CTNNA3: variants seen among roughly 807,000 people sequenced by gnomAD.
CTNNA3 encodes catenin alpha 3, also known as catenin alpha-3.
In CTNNA3, 76 loss-of-function variants were observed where a neutral mutation model predicts 95.7. The ratio of observed to expected loss-of-function variants is 0.79; its 90% CI spans 0.66 to 0.96. CTNNA3 has a LOEUF of 0.96. Among genes scored for constraint, CTNNA3 ranks in the 40% least tolerant of loss-of-function variants. The pLI, the probability that CTNNA3 is intolerant of heterozygous loss-of-function variation, is 0.00. For missense variants in CTNNA3, 1,191 were observed against 1,089.8 expected (o/e 1.09, Z -1.31); for synonymous variants, 431 against 374.4 (o/e 1.15, Z -1.74).
intron 3 of CTNNA3, among the ~76,000 whole-genome samples, chr10:67,569,714 G>A (rs10997727): frequency 0.13 from 19,601 of 152,108 alleles, 1,566 homozygotes; most frequent in East Asian, 0.3. Flanking sequence ...TAGCATTAAA[G>A]AGTGCATTAA....
chr10:66,261,526 C>G (rs1020817048), intron 13 of CTNNA3, among the ~76,000 whole-genome samples: 4 of 152,020 alleles, frequency 2.6e-5, no homozygotes, highest in African/African-American at 9.6e-5. Flanking sequence ...GCTTGTCTTT[C>G]TGTTAGTATG....
At chr10:67,324,746 T>C (rs1419808010) in intron 5 of CTNNA3, among the ~76,000 whole-genome samples, 1 of 151,910 alleles carries the variant, frequency 6.6e-6, no homozygotes. Flanking sequence ...AGGATGATGC[T>C]GGCCTCATAG....
chr10:67,570,609 C>T (rs1343199648), intron 3 of CTNNA3, among the ~76,000 whole-genome samples: 1 of 152,154 alleles, frequency 6.6e-6, no homozygotes, highest in Admixed American at 6.6e-5. Context: ...GGTGGTTCCA[C>T]CTGGCTGTTT....
At chr10:66,570,638 T>C (rs1388192469) in intron 10 of CTNNA3, among the ~76,000 whole-genome samples, 1 of 151,656 alleles carries the variant, frequency 6.6e-6, no homozygotes, top group Admixed American at 6.6e-5. Flanking sequence ...ACCAGCTAAC[T>C]TGACTTTTAA....
Position 67,219,458 on chromosome 10 carries a change from C to A in CTNNA3, c.843+149G>T, listed in dbSNP as rs1864545681. ...CAGAGTACTTTCCTGTTAATCAATT[C>A]TTTGGAAGACTCAAGAAGGTGATAG... is the stretch of plus-strand genomic sequence containing the variant. On this transcript the variant is annotated intron_variant, in intron 6 of 17. Coordinates refer to ENST00000433211, the MANE Select transcript of CTNNA3 (RefSeq NM_013266.4). The A allele has an allele frequency of 6.3e-6, 5 of 788,746 alleles. No individual in the cohort carries two copies. In the Admixed American group the frequency reaches 1.5e-4, roughly 23 times the overall value. The allele number at this position is 788,746 out of a possible 1,614,324, so 48.9% of individuals were successfully genotyped here. A position where few individuals can be genotyped will look rare whatever the true frequency, so the allele number is the denominator to read the frequency against.
chr10:66,489,379 CTGTG>C (rs1839841591), intron 11 of CTNNA3, among the ~76,000 whole-genome samples: 1 of 152,064 alleles, frequency 6.6e-6, no homozygotes, highest in Admixed American at 6.5e-5. Context: ...CTCAAGTATT[CTGTG>C]TGTTTTTGGG....
chr10:67,750,693 G>A (rs1841402385), intron 1 of CTNNA3: 2 of 1,558,602 alleles, frequency 1.3e-6, no homozygotes, highest in Non-Finnish European at 1.8e-6. Flanking sequence ...GAAAAGCAAT[G>A]TTCTTGGATG....
At chr10:66,635,722 C>T (rs1295401872) in intron 9 of CTNNA3, among the ~76,000 whole-genome samples, 1 of 152,090 alleles carries the variant, frequency 6.6e-6, no homozygotes, top group Non-Finnish European at 1.5e-5. Context: ...TCACGAAATA[C>T]ACACCCAGAT....
intron 7 of CTNNA3, among the ~76,000 whole-genome samples, chr10:67,118,093 G>A (rs1859276748): frequency 6.6e-6 from 1 of 151,948 alleles, no homozygotes; most frequent in South Asian, 2.1e-4. Flanking sequence ...AGACAACAGT[G>A]GGCGCATCTA....
intron 11 of CTNNA3, among the ~76,000 whole-genome samples, chr10:66,419,438 A>C (rs1389429635): frequency 1.3e-5 from 2 of 152,130 alleles, no homozygotes; most frequent in African/African-American, 4.8e-5. Flanking sequence ...ATCAGAAAAA[A>C]ATAATAGTGT....
chr10:66,766,339 AG>A lies in CTNNA3; in HGVS notation c.1205del (p.Ala402ValfsTer10). On this transcript the variant is annotated frameshift_variant, in exon 9 of 18. Transcript: ENST00000433211. LOFTEE classifies it high-confidence loss of function. ...TTTCCTTTTCCCGGCCATTCTTAGC[AG>A]CTTCAATGAGAACCAAAAGAGGGAC... ...TTVPLLVLIE[A>X]AKNGREKEIK... 6.2e-7 allele frequency: 1 copy of A among 1,613,812 alleles called. No individual in the cohort carries two copies. Among genetic ancestry groups the A allele is most frequent in the South Asian group, 1.1e-5 (1 of 91,072 alleles).
chr10:66,387,646 G>A (rs1038392653), intron 11 of CTNNA3, among the ~76,000 whole-genome samples: 3 of 152,124 alleles, frequency 2.0e-5, no homozygotes, highest in African/African-American at 7.2e-5. Flanking sequence ...ACATGCACAC[G>A]TATGTTTATT....
intron 7 of CTNNA3, among the ~76,000 whole-genome samples, chr10:67,041,512 C>T (rs1422301986): frequency 6.6e-6 from 1 of 152,096 alleles, no homozygotes; most frequent in Non-Finnish European, 1.5e-5. Context: ...TCCTCTTTTT[C>T]TCCTTTCATG....
intron 5 of CTNNA3, among the ~76,000 whole-genome samples, chr10:67,301,022 C>A (rs1840245350): frequency 6.6e-6 from 1 of 152,014 alleles, no homozygotes; most frequent in South Asian, 2.1e-4. Flanking sequence ...TGTTTTGTAG[C>A]AAAAGTAAAA....
intron 5 of CTNNA3, among the ~76,000 whole-genome samples, chr10:67,282,776 A>G (rs1839449885): frequency 6.6e-6 from 1 of 152,138 alleles, no homozygotes; most frequent in Admixed American, 6.5e-5. Flanking sequence ...TCAGAAAACA[A>G]TGCCTCAAAA....
intron 15 of CTNNA3, among the ~76,000 whole-genome samples, chr10:66,055,981 G>A (rs969610700): frequency 6.8e-5 from 10 of 146,236 alleles, no homozygotes; most frequent in Non-Finnish European, 1.5e-5. Flanking sequence ...AGGATAATTT[G>A]ACTCATTTCT....
chr10:67,361,564 T>C (rs1842992303), intron 5 of CTNNA3, among the ~76,000 whole-genome samples: 1 of 152,122 alleles, frequency 6.6e-6, no homozygotes, highest in African/African-American at 2.4e-5. Context: ...TAGAAAATTA[T>C]TTGAAATTAA....
chr10:66,391,327 A>C (rs1564921812), intron 11 of CTNNA3, among the ~76,000 whole-genome samples: 1 of 152,150 alleles, frequency 6.6e-6, no homozygotes, highest in Admixed American at 6.6e-5. Context: ...AAAAAAAAGA[A>C]AGTCATTGAA....
intron 15 of CTNNA3, among the ~76,000 whole-genome samples, chr10:66,069,078 G>T (rs1258140238): frequency 6.6e-6 from 1 of 152,100 alleles, no homozygotes; most frequent in Non-Finnish European, 1.5e-5. Flanking sequence ...AGGTGAGAGA[G>T]TATAAGTGGT....
Sources: allele counts gnomAD v4.1 joint callset (sites outside exome capture counted in the v4.1 genomes callset), GRCh38; gene constraint gnomAD v4.1.1; transcripts MANE v1.5; gene names NCBI Gene and HGNC (gene_info 2026-07-23, HGNC 2026-07-21).